Variants in PTPRK observed in about 807,000 individuals in gnomAD.
The protein encoded by PTPRK is receptor-type tyrosine-protein phosphatase kappa.
A neutral mutation model predicts 178.0 loss-of-function variants in PTPRK; 75 were observed. The ratio of observed to expected loss-of-function variants is 0.42; its 90% CI spans 0.35 to 0.51. The LOEUF (loss-of-function observed/expected upper bound fraction) is 0.51, where lower values mean the gene tolerates loss of function less well. PTPRK is among the 20% of genes least tolerant of loss of function. The pLI is 0.02. For synonymous variants in PTPRK, 637 were observed against 620.6 expected (o/e 1.03, Z -0.39); for missense variants, 1,441 against 1,797.8 (o/e 0.80, Z 3.59).
intron 3 of PTPRK, among the ~76,000 whole-genome samples, chr6:128,299,560 T>C (rs1307786360): frequency 2.0e-5 from 3 of 151,088 alleles, no homozygotes; most frequent in African/African-American, 7.3e-5. Context: ...CCCTCAGAAA[T>C]AATGCCGCAT....
intron 6 of PTPRK, among the ~76,000 whole-genome samples, chr6:128,216,555 A>C (rs1226569624): frequency 6.6e-6 from 1 of 151,916 alleles, no homozygotes; most frequent in East Asian, 1.9e-4. Flanking sequence ...AAAAAAAAAA[A>C]AAAGGTCAAA....
chr6:128,230,112 T>C (rs531627368), intron 5 of PTPRK, among the ~76,000 whole-genome samples: 4 of 152,276 alleles, frequency 2.6e-5, no homozygotes, highest in African/African-American at 4.8e-5. Context: ...ACACCACCTA[T>C]GGTGTTGCCA....
At position 128,184,705 on chromosome 6, in the gene PTPRK, G is replaced by C. The variant is rs1202338042; in HGVS notation, c.889C>G (p.Pro297Ala). ...GGCCCAACACCAAGAAGCTGAGGAGGAGCAATGGGTCTTGGCGGTTCTAGG... is the reference window on the plus strand; with the variant it reads ...GGCCCAACACCAAGAAGCTGAGGAGCAGCAATGGGTCTTGGCGGTTCTAGG... Reference protein sequence around the residue: ...IVREPPRPIAPPQLLGVGPTY... With the variant: ...IVREPPRPIAAPQLLGVGPTY... The change falls in exon 7 of 30, where the codon CCT becomes GCT. Residue 297 changes from proline (P) to alanine (A), a missense_variant. Physicochemically the swap from Pro to Ala is conservative, Grantham distance 27. Coordinates refer to ENST00000368226, the MANE Select transcript of PTPRK (RefSeq NM_002844.4). 6.2e-7 allele frequency: 1 copy of C among 1,613,846 alleles called. No homozygotes were observed. Among genetic ancestry groups the C allele is most frequent in the East Asian group, 2.2e-5 (1 of 44,852 alleles).
At chr6:128,153,069 C>A (rs1300034371) in intron 7 of PTPRK, among the ~76,000 whole-genome samples, 1 of 151,830 alleles carries the variant, frequency 6.6e-6, no homozygotes, top group Non-Finnish European at 1.5e-5. Context: ...GAAAATGATC[C>A]AGAACCAAGG....
intron 6 of PTPRK, among the ~76,000 whole-genome samples, chr6:128,187,204 G>T (rs1163083688): frequency 6.6e-6 from 1 of 151,890 alleles, no homozygotes; most frequent in Admixed American, 6.6e-5. Context: ...AAACCTAAGA[G>T]GAGAGCAAAA....
intron 2 of PTPRK, among the ~76,000 whole-genome samples, chr6:128,359,665 T>C (rs1440892928): frequency 6.6e-6 from 1 of 151,888 alleles, no homozygotes; most frequent in East Asian, 1.9e-4. Flanking sequence ...GACAGAAGAA[T>C]CGCTTGAACC....
intron 1 of PTPRK, among the ~76,000 whole-genome samples, chr6:128,460,192 T>C (rs1214107018): frequency 6.6e-6 from 1 of 152,116 alleles, no homozygotes; most frequent in African/African-American, 2.4e-5. Flanking sequence ...AGAGTAATAA[T>C]ACATTATTGA....
intron 2 of PTPRK, among the ~76,000 whole-genome samples, chr6:128,334,019 A>G (rs1248073475): frequency 6.6e-6 from 1 of 152,162 alleles, no homozygotes; most frequent in African/African-American, 2.4e-5. Context: ...GGAGAGGAAG[A>G]AAGACGGGAA....
intron 1 of PTPRK, among the ~76,000 whole-genome samples, chr6:128,400,628 T>TCA (rs768185426): frequency 9.9e-5 from 15 of 152,174 alleles, no homozygotes; most frequent in Non-Finnish European, 1.6e-4. Flanking sequence ...TTCAACCTTG[T>TCA]AACAGAGAGC....
At chr6:128,132,492 T>C (rs960833892) in intron 7 of PTPRK, among the ~76,000 whole-genome samples, 51 of 152,362 alleles carry the variant, frequency 3.3e-4, no homozygotes, top group African/African-American at 1.2e-3. Context: ...GTTTTAAAAA[T>C]GAAAACTAGT....
intron 1 of PTPRK, chr6:128,472,699 TATTTCCAAC>T (rs1414940270): frequency 2.8e-6 from 1 of 356,088 alleles, no homozygotes; most frequent in Admixed American, 3.4e-5. Context: ...CAATAATATA[TATTTCCAAC>T]TGTAACAATA....
chr6:128,109,875 A>C (rs1295919613), intron 7 of PTPRK, among the ~76,000 whole-genome samples: 3 of 152,172 alleles, frequency 2.0e-5, no homozygotes, highest in Non-Finnish European at 2.9e-5. Flanking sequence ...TGATTCTCTC[A>C]TAAGTAAAGC....
intron 27 of PTPRK, among the ~76,000 whole-genome samples, chr6:127,976,421 T>C (rs1297757829): frequency 6.6e-6 from 1 of 152,238 alleles, no homozygotes; most frequent in African/African-American, 2.4e-5. Flanking sequence ...CCAGTGCATC[T>C]GTATTTCCTG....
At chr6:128,204,396 T>G (rs1457645759) in intron 6 of PTPRK, among the ~76,000 whole-genome samples, 5 of 151,902 alleles carry the variant, frequency 3.3e-5, no homozygotes, top group Non-Finnish European at 5.9e-5. Context: ...CCAAAAGAAA[T>G]CTCAACAAAA....
At chr6:128,052,017 A>T (rs1582738471) in intron 13 of PTPRK, among the ~76,000 whole-genome samples, 1 of 152,182 alleles carries the variant, frequency 6.6e-6, no homozygotes, top group Admixed American at 6.5e-5. Flanking sequence ...ACACACCAAG[A>T]CATGTTAACT....
intron 1 of PTPRK, among the ~76,000 whole-genome samples, chr6:128,448,321 C>T (rs887130256): frequency 1.3e-5 from 2 of 152,192 alleles, no homozygotes; most frequent in African/African-American, 4.8e-5. Context: ...TAATCATTAA[C>T]TCATCTGAGT....
intron 7 of PTPRK, among the ~76,000 whole-genome samples, chr6:128,173,650 T>A (rs1444861985): frequency 2.0e-5 from 3 of 151,908 alleles, no homozygotes; most frequent in African/African-American, 4.8e-5. Flanking sequence ...TTAAAACCTG[T>A]CCCTATACCT....
chr6:128,081,052 A>G (rs1582904046), intron 10 of PTPRK, among the ~76,000 whole-genome samples: 2 of 152,104 alleles, frequency 1.3e-5, no homozygotes, highest in Admixed American at 6.6e-5. Flanking sequence ...GCTCTCAAAA[A>G]TTTACATTTG....
intron 2 of PTPRK, among the ~76,000 whole-genome samples, chr6:128,367,435 C>A (rs2128346197): frequency 6.6e-6 from 1 of 152,234 alleles, no homozygotes; most frequent in African/African-American, 2.4e-5. Flanking sequence ...AGGCTCAAAG[C>A]CAACTATCGA....
Sources: gnomAD v4.1 joint callset for allele counts (sites outside exome capture counted in the v4.1 genomes callset) on GRCh38, gnomAD v4.1.1 for gene constraint, MANE v1.5 for transcripts, NCBI Gene and HGNC (gene_info 2026-07-23, HGNC 2026-07-21) for gene names.